The following DNAH11 variants were observed in gnomAD, a reference collection of about 807,000 sequenced individuals.
DNAH11 encodes the protein axonemal beta dynein heavy chain 11.
DNAH11 carries 442 observed loss-of-function variants against 526.0 expected under a neutral mutation model. The ratio of observed to expected loss-of-function variants is 0.84; its 90% CI spans 0.78 to 0.91. The LOEUF (loss-of-function observed/expected upper bound fraction) is 0.91. Among genes scored for constraint, DNAH11 ranks in the 40% least tolerant of loss-of-function variants. The probability of loss-of-function intolerance (pLI) is 0.00; values close to 1 mark genes in which losing one functional copy is unlikely to be tolerated. For missense variants in DNAH11, 6,989 were observed against 5,448.7 expected (o/e 1.28, Z -8.90); for synonymous variants, 2,461 against 1,935.9 (o/e 1.27, Z -7.12).
intron 45 of DNAH11, among the ~76,000 whole-genome samples, chr7:21,729,633 C>G (rs192775428): frequency 3.9e-5 from 6 of 152,254 alleles, no homozygotes; most frequent in Admixed American, 3.9e-4. Flanking sequence ...ACACAGAACA[C>G]TAGAATGCAA....
chr7:21,624,967 T>G (rs1053349630), intron 25 of DNAH11, among the ~76,000 whole-genome samples: 2 of 152,114 alleles, frequency 1.3e-5, no homozygotes, highest in Admixed American at 1.3e-4. Flanking sequence ...TTTTAATGTA[T>G]GTTCATCAGG....
At chr7:21,769,319 AG>A (rs1787321137) in intron 55 of DNAH11, among the ~76,000 whole-genome samples, 3 of 152,164 alleles carry the variant, frequency 2.0e-5, no homozygotes, top group Admixed American at 2.0e-4. Flanking sequence ...ATGAATATTC[AG>A]TTGAAGGTGT....
chr7:21,657,679 A>G (rs1782074537), intron 29 of DNAH11, among the ~76,000 whole-genome samples: 1 of 152,206 alleles, frequency 6.6e-6, no homozygotes, highest in Admixed American at 6.6e-5. Flanking sequence ...TTATTAAGGC[A>G]GAGATACCAG....
chr7:21,737,824 A>T (rs1000566446), intron 46 of DNAH11, among the ~76,000 whole-genome samples: 2 of 152,168 alleles, frequency 1.3e-5, no homozygotes, highest in Admixed American at 6.5e-5. Context: ...GCTGAGTTGG[A>T]AAAGAGGCAG....
At chr7:21,543,820 C>T in intron 1 of DNAH11, 1 of 569,050 alleles carries the variant, frequency 1.8e-6, no homozygotes, top group South Asian at 2.4e-5. Flanking sequence ...TGTATCTGAC[C>T]GAGAATCCCG....
intron 49 of DNAH11, among the ~76,000 whole-genome samples, chr7:21,744,003 A>G (rs1786034416): frequency 6.6e-6 from 1 of 152,206 alleles, no homozygotes. Flanking sequence ...CCCATGAAGT[A>G]TGAGTCTGGG....
Position 21,687,152 on chromosome 7 carries a change from C to A in DNAH11, c.5675C>A (p.Ala1892Asp), listed in dbSNP as rs534484091. ...CATCTAACCATGAGTGGGGCTCCTGCTGGCCCAGCTGGTACCGGGAAAACA... is the reference window on the plus strand; with the variant it reads ...CATCTAACCATGAGTGGGGCTCCTGATGGCCCAGCTGGTACCGGGAAAACA... ...SLHLTMSGAPAGPAGTGKTET... is the reference protein window; with the variant it reads ...SLHLTMSGAPDGPAGTGKTET... Residue 1892 changes from alanine to aspartate, a missense_variant, in exon 33 of 82, where the codon GCT becomes GAT. By Grantham distance (126) the Ala-to-Asp change is moderately radical. Transcript: ENST00000409508. 3.1e-6 allele frequency: 5 copies of A among 1,613,344 alleles called. No homozygotes were observed. The African/African-American group carries it at 4.0e-5, about 13-fold the overall frequency.
chr7:21,619,038 T>G (rs1785913290), intron 23 of DNAH11, 62 bp from the exon 24 acceptor site: 9 of 1,603,852 alleles, frequency 5.6e-6, no homozygotes, highest in South Asian at 5.6e-5. Flanking sequence ...CACCAGCCTT[T>G]AGGCAAAAGG....
chr7:21,589,462 C>T (rs1784598435), intron 12 of DNAH11, 59 bp downstream of exon 12: 5 of 1,356,222 alleles, frequency 3.7e-6, no homozygotes, highest in Non-Finnish European at 4.0e-6. Context: ...AAGCCTATTT[C>T]TGATATTTCC....
chr7:21,801,935 G>A (rs1026213248), intron 62 of DNAH11, among the ~76,000 whole-genome samples: 1 of 152,308 alleles, frequency 6.6e-6, no homozygotes, highest in South Asian at 2.1e-4. Context: ...ATGAGTGGTA[G>A]AGGAACATAC....
At chr7:21,545,291 A>AG (rs1782765830) in intron 2 of DNAH11, 142 bp downstream of exon 2, 2 of 801,974 alleles carry the variant, frequency 2.5e-6, no homozygotes, top group Non-Finnish European at 3.7e-6. Flanking sequence ...AAAAAAAAAA[A>AG]AAAAAGCTTG....
In DNAH11 at chr7:21,852,523, C is replaced by T. The variant is rs766635238; in HGVS notation, c.10953C>T (p.Asp3651=). The change falls in exon 67 of 82, where the codon GAC becomes GAT. Residue 3651 remains aspartate (D), a synonymous_variant. Coordinates refer to ENST00000409508, the MANE Select transcript of DNAH11 (RefSeq NM_001277115.2). ...DFKIELKYLE[D]DLLLRLSAAE... is the part of the protein sequence containing the mutation. ...AAATTGAGCTCAAGTATCTGGAAGA[C>T]GATCTCCTTTTGCGCCTTTCTGCGG... The T allele has an allele frequency of 7.5e-5, 121 of 1,613,400 alleles. No individual in the cohort carries two copies. The highest frequency in any genetic ancestry group is 1.6e-4 in the Middle Eastern group (1 of 6,062).
At chr7:21,796,772 C>T (rs1788731625) in intron 61 of DNAH11, among the ~76,000 whole-genome samples, 1 of 152,166 alleles carries the variant, frequency 6.6e-6, no homozygotes, top group Non-Finnish European at 1.5e-5. Flanking sequence ...CTCTAATTTC[C>T]TCACCTATAA....
intron 65 of DNAH11, among the ~76,000 whole-genome samples, chr7:21,827,769 CA>C (rs1790372265): frequency 6.6e-6 from 1 of 151,882 alleles, no homozygotes; most frequent in South Asian, 2.1e-4. Flanking sequence ...AGCAGCTTTC[CA>C]GTTTATTAAC....
In DNAH11 at chr7:21,896,037, T is replaced by C. The variant is rs929645953; in HGVS notation, c.13049+1038T>C. Among the ~76,000 whole-genome samples the C allele has an allele frequency of 1.2e-4, 19 of 152,356 alleles. No individual in the cohort carries two copies. In the South Asian group the frequency reaches 1.7e-3, roughly 13 times the overall value. The stretch of plus-strand genomic sequence containing the variant: ...AGCCACCGCGCCTGGCCCACACTTT[T>C]GATTTTTCTAACACAATGTTAGAGC... On this transcript the variant is annotated intron_variant, in intron 79 of 81. Coordinates refer to ENST00000409508, the MANE Select transcript of DNAH11 (RefSeq NM_001277115.2).
chr7:21,622,663 A>G (rs948872677), intron 25 of DNAH11, among the ~76,000 whole-genome samples: 1 of 152,158 alleles, frequency 6.6e-6, no homozygotes, highest in Admixed American at 6.5e-5. Flanking sequence ...AAATAATGCC[A>G]CATATCTACA....
intron 68 of DNAH11, among the ~76,000 whole-genome samples, chr7:21,854,873 A>G (rs1017801815): frequency 1.3e-5 from 2 of 152,144 alleles, no homozygotes; most frequent in African/African-American, 2.4e-5. Flanking sequence ...CGGTGTACCC[A>G]GTAAGGAGTC....
At position 21,816,569 on chromosome 7, in the gene DNAH11, T is replaced by C. The variant is rs878915150; in HGVS notation, c.10435T>C (p.Ser3479Pro). 1.2e-6 allele frequency: 2 copies of C among 1,613,390 alleles called. No homozygotes were observed. The highest frequency in any genetic ancestry group is 2.2e-5 in the East Asian group (1 of 44,854). ...NNEGLPSDRM[S>P]TENAAILTHC... Reference sequence around the variant, plus strand: ...CGAAGGACTGCCCAGTGACAGAATGTCCACCGAAAATGCCGCTATCCTAAC... The same window carrying C: ...CGAAGGACTGCCCAGTGACAGAATGCCCACCGAAAATGCCGCTATCCTAAC... The change falls in exon 64 of 82, where the codon TCC (serine) becomes CCC (proline). Residue 3479 changes from serine (S) to proline (P), a missense_variant. Ser to Pro is a moderately conservative substitution (Grantham distance 74). Coordinates refer to ENST00000409508, the MANE Select transcript of DNAH11 (RefSeq NM_001277115.2).
At chr7:21,873,996 G>C (rs1022801503) in intron 74 of DNAH11, among the ~76,000 whole-genome samples, 2 of 151,742 alleles carry the variant, frequency 1.3e-5, no homozygotes, top group African/African-American at 4.8e-5. Flanking sequence ...TCACCATGTT[G>C]ACCAGACTGG....
Sources: allele counts gnomAD v4.1 joint callset (sites outside exome capture counted in the v4.1 genomes callset), GRCh38; gene constraint gnomAD v4.1.1; transcripts MANE v1.5; gene names NCBI Gene and HGNC (gene_info 2026-07-23, HGNC 2026-07-21).